L3MBTL3: variants seen among roughly 807,000 people sequenced by gnomAD.
L3MBTL3 encodes lethal(3)malignant brain tumor-like protein 3.
L3MBTL3 carries 27 observed loss-of-function variants against 102.3 expected under a neutral mutation model. That is an observed-to-expected ratio of 0.26 (90% confidence interval 0.19 to 0.36). The LOEUF is 0.36. Among genes scored for constraint, L3MBTL3 ranks in the 10% least tolerant of loss-of-function variants. L3MBTL3 has a pLI of 1.00. For missense variants in L3MBTL3, 798 were observed against 955.3 expected (o/e 0.84, Z 2.17); for synonymous variants, 340 against 320.9 (o/e 1.06, Z -0.64).
At chr6:130,020,901 CGAGA>C (rs1778966867) in intron 1 of L3MBTL3, among the ~76,000 whole-genome samples, 1 of 150,856 alleles carries the variant, frequency 6.6e-6, no homozygotes, top group Non-Finnish European at 1.5e-5. Flanking sequence ...AAAATGCATT[CGAGA>C]TCATTCAGAG....
chr6:130,137,573 C>T (rs1420253150), intron 22 of L3MBTL3: 1 of 151,706 alleles, frequency 6.6e-6, no homozygotes, highest in Non-Finnish European at 1.5e-5. Flanking sequence ...CCTTACTGTC[C>T]CACTTTTAAC....
At position 130,086,212 on chromosome 6, in the gene L3MBTL3, G is replaced by A; in HGVS notation, c.1480G>A (p.Val494Ile). The A allele has an allele frequency of 6.2e-7, 1 of 1,612,942 alleles. No homozygotes were observed. The part of the protein sequence containing the change: ...VDKRNPMFIR[V>I]ATVADTDDHR... Reference sequence around the variant, plus strand: ...CAAAAGGAACCCTATGTTTATTAGAGTAGCAACTGTGGCAGACACAGATGA... The same window carrying A: ...CAAAAGGAACCCTATGTTTATTAGAATAGCAACTGTGGCAGACACAGATGA... Residue 494 changes from valine to isoleucine, a missense_variant, in exon 16 of 23, where the codon GTA becomes ATA. Val to Ile is a conservative substitution (Grantham distance 29). Coordinates refer to ENST00000361794, the MANE Select transcript of L3MBTL3 (RefSeq NM_032438.4).
At chr6:130,065,888 ACCCAG>A in intron 10 of L3MBTL3, among the ~76,000 whole-genome samples, 1 of 151,766 alleles carries the variant, frequency 6.6e-6, no homozygotes, top group South Asian at 2.1e-4. Context: ...CTTTCTTCCA[ACCCAG>A]CTTTGGTGGA....
At chr6:130,038,477 A>G (rs1434729343) in intron 2 of L3MBTL3, among the ~76,000 whole-genome samples, 1 of 151,278 alleles carries the variant, frequency 6.6e-6, no homozygotes, top group Non-Finnish European at 1.5e-5. Context: ...GGGTGAGATG[A>G]TATCTCCTTG....
At chr6:130,039,223 C>T (rs867733000) in intron 2 of L3MBTL3, among the ~76,000 whole-genome samples, 6 of 152,084 alleles carry the variant, frequency 3.9e-5, no homozygotes, top group Non-Finnish European at 7.4e-5. Flanking sequence ...AAATTTCTCA[C>T]ATTACATCAT....
At chr6:130,122,767 G>A (rs1562332589) in intron 20 of L3MBTL3, among the ~76,000 whole-genome samples, 1 of 142,628 alleles carries the variant, frequency 7.0e-6, no homozygotes. Flanking sequence ...CCTTCATTCA[G>A]GTCTCAGCTC....
chr6:130,102,089 C>G (rs1784727717), intron 18 of L3MBTL3, among the ~76,000 whole-genome samples: 1 of 150,656 alleles, frequency 6.6e-6, no homozygotes, highest in Non-Finnish European at 1.5e-5. Flanking sequence ...CTTAGTCATT[C>G]TATCTCAGGG....
At chr6:130,131,348 G>T (rs1007926594) in intron 20 of L3MBTL3, among the ~76,000 whole-genome samples, 36 of 152,194 alleles carry the variant, frequency 2.4e-4, no homozygotes, top group African/African-American at 8.0e-4. Flanking sequence ...ACCAAGCATT[G>T]GTGTGGAGGT....
At chr6:130,048,327 T>A (rs1780851753) in intron 3 of L3MBTL3, among the ~76,000 whole-genome samples, 1 of 152,200 alleles carries the variant, frequency 6.6e-6, no homozygotes, top group Admixed American at 6.5e-5. Flanking sequence ...CTGCTAAAAT[T>A]AGTGGGTCCC....
chr6:130,097,020 A>G (rs542857357), intron 18 of L3MBTL3, among the ~76,000 whole-genome samples: 1 of 152,308 alleles, frequency 6.6e-6, no homozygotes, highest in African/African-American at 2.4e-5. Context: ...CAAGGGATGC[A>G]ATTCACAGAA....
At position 130,133,988 on chromosome 6, in the gene L3MBTL3, G is replaced by A. The variant is rs1230377724; in HGVS notation, c.2199+83G>A. 3.6e-6 allele frequency: 4 copies of A among 1,113,456 alleles called. No homozygotes were observed. Among genetic ancestry groups the A allele is most frequent in the Non-Finnish European group, 4.1e-6 (3 of 734,542 alleles). The allele number at this position is 1,113,456 out of a possible 1,614,324, so 69.0% of individuals were successfully genotyped here. Reference sequence around the variant, plus strand: ...AGTGGAAGGTGAAATGTGTGGAATTGGCAGAGTCAAAAAGAGATGGGGTGT... The same window carrying A: ...AGTGGAAGGTGAAATGTGTGGAATTAGCAGAGTCAAAAAGAGATGGGGTGT... On this transcript the variant is annotated intron_variant, in intron 22 of 22. Coordinates refer to ENST00000361794, the MANE Select transcript of L3MBTL3 (RefSeq NM_032438.4). The surrounding 1 kb of genome is among the most constrained non-coding windows in gnomAD (Gnocchi z 4.9).
At chr6:130,037,475 T>C (rs1170553730) in intron 2 of L3MBTL3, among the ~76,000 whole-genome samples, 1 of 152,088 alleles carries the variant, frequency 6.6e-6, no homozygotes, top group East Asian at 1.9e-4. Flanking sequence ...GCAGTCGATA[T>C]CATTGCTGGT....
At chr6:130,135,325 A>T (rs1582661156) in intron 22 of L3MBTL3, among the ~76,000 whole-genome samples, 1 of 152,042 alleles carries the variant, frequency 6.6e-6, no homozygotes, top group African/African-American at 2.4e-5. Flanking sequence ...CGGCCTCCCA[A>T]AGTGCTGAGA....
chr6:130,078,501 C>G, intron 13 of L3MBTL3, 57 bp from the exon 14 acceptor site: 1 of 1,122,426 alleles, frequency 8.9e-7, no homozygotes, highest in Non-Finnish European at 1.3e-6. Flanking sequence ...TTTTATTTTA[C>G]TAGTTTTTGT....
intron 2 of L3MBTL3, among the ~76,000 whole-genome samples, chr6:130,023,672 A>G (rs1275986478): frequency 6.6e-6 from 1 of 152,214 alleles, no homozygotes; most frequent in African/African-American, 2.4e-5. Flanking sequence ...AAAGAATCAA[A>G]TAAAATCAGA....
chr6:130,066,797 A>T (rs1375291281), intron 11 of L3MBTL3, among the ~76,000 whole-genome samples: 2 of 152,206 alleles, frequency 1.3e-5, no homozygotes, highest in South Asian at 2.1e-4. Context: ...GAAAAAACTG[A>T]TTTGAAAAAT....
chr6:130,055,857 CTCTTT>C (rs1781470465), intron 8 of L3MBTL3, among the ~76,000 whole-genome samples: 1 of 151,272 alleles, frequency 6.6e-6, no homozygotes, highest in South Asian at 2.1e-4. Context: ...TTTTTGCCTT[CTCTTT>C]TCATCTCTTC....
chr6:130,019,908 G>A (rs1036805347), intron 1 of L3MBTL3, among the ~76,000 whole-genome samples: 1 of 141,286 alleles, frequency 7.1e-6, no homozygotes, highest in Non-Finnish European at 1.6e-5. Flanking sequence ...CGCCGTCGCG[G>A]CGTTCGCCCC....
Position 130,139,690 on chromosome 6 carries a change from C to G in L3MBTL3, c.2280C>G (p.Leu760=). The G allele has an allele frequency of 6.2e-7, 1 of 1,612,938 alleles. No homozygotes were observed. Among genetic ancestry groups the G allele is most frequent in the Non-Finnish European group, 8.5e-7 (1 of 1,179,158 alleles). ...KIMSIKLGPA[L]KIFNSILMFK... ...TGAGCATTAAACTGGGCCCTGCTCT[C>G]AAAATTTTCAATTCCATCCTGATGT... is the stretch of plus-strand genomic sequence containing the variant. Residue 760 remains leucine, a synonymous_variant, in exon 23 of 23, where the codon CTC becomes CTG. Coordinates refer to ENST00000361794, the MANE Select transcript of L3MBTL3 (RefSeq NM_032438.4).
Sources: gnomAD v4.1 joint callset for allele counts (sites outside exome capture counted in the v4.1 genomes callset) on GRCh38, gnomAD v4.1.1 for gene constraint, Gnocchi (gnomAD v3.1) non-coding constraint, MANE v1.5 for transcripts, NCBI Gene and HGNC (gene_info 2026-07-23, HGNC 2026-07-21) for gene names.